ANKDD1A: variants seen among roughly 807,000 people sequenced by gnomAD.
The protein encoded by ANKDD1A is ankyrin repeat and death domain containing 1A.
In ANKDD1A, 59 loss-of-function variants were observed where a neutral mutation model predicts 63.5. The ratio of observed to expected loss-of-function variants is 0.93; its 90% CI spans 0.75 to 1.15. The LOEUF (loss-of-function observed/expected upper bound fraction) is 1.15, where lower values mean the gene tolerates loss of function less well. Among genes scored for constraint, ANKDD1A ranks in the 50% most tolerant of loss-of-function variants. The pLI, the probability that ANKDD1A is intolerant of heterozygous loss-of-function variation, is 0.00. For synonymous variants in ANKDD1A, 266 were observed against 263.9 expected (o/e 1.01, Z -0.08); for missense variants, 632 against 656.4 (o/e 0.96, Z 0.41).
At chr15:64,923,415 A>G (rs551905046) in intron 4 of ANKDD1A, among the ~76,000 whole-genome samples, 1 of 152,234 alleles carries the variant, frequency 6.6e-6, no homozygotes, top group Non-Finnish European at 1.5e-5. Context: ...GTAATTTGTT[A>G]TAGCAGCAAT....
chr15:64,921,130 C>A (rs528068638), intron 3 of ANKDD1A, among the ~76,000 whole-genome samples: 1 of 152,018 alleles, frequency 6.6e-6, no homozygotes, highest in African/African-American at 2.4e-5. Context: ...GCCTCCACGC[C>A]TGGCTTATTT....
intron 2 of ANKDD1A, among the ~76,000 whole-genome samples, chr15:64,916,618 C>A (rs554527119): frequency 6.6e-6 from 1 of 152,338 alleles, no homozygotes; most frequent in East Asian, 1.9e-4. Context: ...TGGGCCACCT[C>A]ACCCTGCCAG....
chr15:64,931,707 G>A (rs762103806), intron 8 of ANKDD1A, 122 bp downstream of exon 8: 2 of 1,100,056 alleles, frequency 1.8e-6, no homozygotes, highest in Non-Finnish European at 2.7e-6. Context: ...CAGCAGACAA[G>A]GTTCTGATCT....
intron 14 of ANKDD1A, among the ~76,000 whole-genome samples, chr15:64,953,854 CTCTTCTTCCTCTTTCTTCTTCAT>C (rs2085362932): frequency 3.9e-4 from 35 of 89,584 alleles, no homozygotes; most frequent in East Asian, 1.5e-3. Context: ...TTCTTCTTTC[CTCTTCTTCCTCTTTCTTCTTCAT>C]TCTTTCTTCT....
At chr15:64,951,854 CTTCTTCCTCT>C (rs1595858694) in intron 14 of ANKDD1A, among the ~76,000 whole-genome samples, 10,456 of 45,442 alleles carry the variant, frequency 0.23, 500 homozygotes, top group Non-Finnish European at 0.42. Flanking sequence ...CTTCTTCTTT[CTTCTTCCTCT>C]TCTTTTTCTT....
chr15:64,950,929 G>A, intron 14 of ANKDD1A: 1 of 1,269,132 alleles, frequency 7.9e-7, no homozygotes. Flanking sequence ...GGCAACAGAG[G>A]AAGTAAGATT....
chr15:64,914,527 C>T (rs1251675938), intron 1 of ANKDD1A, among the ~76,000 whole-genome samples: 1 of 152,234 alleles, frequency 6.6e-6, no homozygotes, highest in African/African-American at 2.4e-5. Flanking sequence ...CTCCTGGCTT[C>T]AAGCCATCCT....
At position 64,913,477 on chromosome 15, in the gene ANKDD1A, T is replaced by C. The variant is rs2084947316; in HGVS notation, c.34+1513T>C. Among the ~76,000 whole-genome samples, 3 of 152,156 alleles carry C rather than the reference T, an allele frequency of 2.0e-5. No individual in the cohort carries two copies. In the South Asian group the frequency reaches 6.2e-4, roughly 32 times the overall value. ...TGTGCCAGGGGGTTTTCATATCTCATTTCTAATCATGATATTAACCTTGTA... is the reference window on the plus strand; with the variant it reads ...TGTGCCAGGGGGTTTTCATATCTCACTTCTAATCATGATATTAACCTTGTA... On this transcript the variant is annotated intron_variant, in intron 1 of 14. Transcript: ENST00000319580.
chr15:64,956,352 A>T (rs1421124044), intron 14 of ANKDD1A, among the ~76,000 whole-genome samples: 1 of 151,512 alleles, frequency 6.6e-6, no homozygotes, highest in Non-Finnish European at 1.5e-5. Context: ...GATCGAGACC[A>T]TCCTGGCTAA....
chr15:64,931,368 G>T, intron 7 of ANKDD1A, 119 bp from the exon 8 acceptor site: 1 of 855,916 alleles, frequency 1.2e-6, no homozygotes. Flanking sequence ...GGGCAGGGCA[G>T]TGGAGAGCTC....
At chr15:64,951,975 TTCC>T (rs2085293710) in intron 14 of ANKDD1A, among the ~76,000 whole-genome samples, 1 of 150,378 alleles carries the variant, frequency 6.6e-6, no homozygotes, top group Non-Finnish European at 1.5e-5. Context: ...TTCTTTCTTC[TTCC>T]TTCTTATTCT....
At chr15:64,931,042 A>G in intron 7 of ANKDD1A, 122 bp downstream of exon 7, 1 of 984,248 alleles carries the variant, frequency 1.0e-6, no homozygotes, top group Non-Finnish European at 1.5e-6. Flanking sequence ...TCTCGAACTG[A>G]GAGCCCACCA....
At chr15:64,918,973 C>T (rs1347219928) in intron 3 of ANKDD1A, among the ~76,000 whole-genome samples, 1 of 152,032 alleles carries the variant, frequency 6.6e-6, no homozygotes, top group Non-Finnish European at 1.5e-5. Context: ...AAAGAATCCT[C>T]TCTGTTTCTT....
At chr15:64,945,789 T>G (rs765549521) in intron 12 of ANKDD1A, among the ~76,000 whole-genome samples, 1 of 151,202 alleles carries the variant, frequency 6.6e-6, no homozygotes, top group African/African-American at 2.4e-5. Context: ...TGTGCCACCA[T>G]GCCCAGCTAA....
rs201849308 is a variant in ANKDD1A at position 64,953,287 on chromosome 15, CCTTCTTT to C, written c.1483+3322_1483+3328del. Among the ~76,000 whole-genome samples the C allele has an allele frequency of 9.9e-3, 1,459 of 148,066 alleles. 19 individuals are homozygous for C. The highest frequency in any genetic ancestry group is 0.033 in the African/African-American group (1,341 of 40,220). On this transcript the variant is annotated intron_variant, in intron 14 of 14. Coordinates refer to ENST00000319580, the MANE Select transcript of ANKDD1A (RefSeq NM_182703.6). ...TAGTTCTTCCTCTTCTTTCCTTCTT[CCTTCTTT>C]CTTCTTCTTTTACTTTTTTCTTTCT...
chr15:64,936,632 A>G (rs1163430478), intron 9 of ANKDD1A, among the ~76,000 whole-genome samples: 1 of 152,128 alleles, frequency 6.6e-6, no homozygotes, highest in Non-Finnish European at 1.5e-5. Flanking sequence ...TGAGTCCAGG[A>G]GTTCGAGACC....
At chr15:64,950,665 C>T (rs2085261970) in intron 14 of ANKDD1A, 2 of 982,846 alleles carry the variant, frequency 2.0e-6, no homozygotes, top group Admixed American at 6.3e-5. Context: ...CCACTCCTGA[C>T]ATATTTCTAG....
At chr15:64,954,774 TTCTCCTTCTTCCTTCTCCTTAG>T (rs2140394248) in intron 14 of ANKDD1A, among the ~76,000 whole-genome samples, 3 of 145,080 alleles carry the variant, frequency 2.1e-5, no homozygotes, top group Non-Finnish European at 3.0e-5. Context: ...TTCTTTCTTC[TTCTCCTTCTTCCTTCTCCTTAG>T]TTGTTCTTCT....
chr15:64,924,021 G>A (rs2085027691), intron 4 of ANKDD1A, among the ~76,000 whole-genome samples: 1 of 152,242 alleles, frequency 6.6e-6, no homozygotes. Context: ...GAATCTGAAA[G>A]TAATGATATA....
Sources: gnomAD v4.1 joint callset for allele counts (sites outside exome capture counted in the v4.1 genomes callset) on GRCh38, gnomAD v4.1.1 for gene constraint, MANE v1.5 for transcripts, NCBI Gene and HGNC (gene_info 2026-07-23, HGNC 2026-07-21) for gene names.